The following ABLIM1 variants were observed in gnomAD, a reference collection of about 807,000 sequenced individuals.
ABLIM1 encodes actin-binding LIM protein 1.
A neutral mutation model predicts 107.0 loss-of-function variants in ABLIM1; 40 were observed. That is an observed-to-expected ratio of 0.37 (90% confidence interval 0.29 to 0.49). ABLIM1 has a LOEUF of 0.49. ABLIM1 is among the 20% of genes least tolerant of loss of function. The probability of loss-of-function intolerance (pLI) is 0.97; values close to 1 mark genes in which losing one functional copy is unlikely to be tolerated. For missense variants in ABLIM1, 857 were observed against 1,008.5 expected, an observed-to-expected ratio of 0.85 and a Z score of 2.04; for synonymous variants, 357 against 357.3, an observed-to-expected ratio of 1.00 and a Z score of 0.01.
rs2082865167 is a variant in ABLIM1 at position 114,765,333 on chromosome 10, G to A, written c.-213+2728C>T. Among the ~76,000 whole-genome samples, 2 of 150,904 alleles carry A rather than the reference G, an allele frequency of 1.3e-5. 1 individual carries two copies. Among genetic ancestry groups the A allele is most frequent in the East Asian group, 3.9e-4 (2 of 5,168 alleles). On this transcript the variant is annotated intron_variant, in intron 1 of 15. Coordinates refer to the ABLIM1 transcript ENST00000651092. ...GTGACAGGATTACATACAGGTGTGA[G>A]CCACTGCGCCCGGCCATTTTCAACT...
rs140456522 is a variant in ABLIM1, at chr10:114,635,155, T to G, written c.244+22802A>C. On this transcript the variant is annotated intron_variant, in intron 1 of 22. Coordinates refer to ENST00000533213, the MANE Select transcript of ABLIM1 (RefSeq NM_002313.7). ...ATACGGACACCAACCCACGGTTTTA[T>G]TTGTTGTTTTCTGCCCCATCAGACT... is the stretch of plus-strand genomic sequence containing the variant. Among the ~76,000 whole-genome samples, 1,060 of 152,324 alleles carry G rather than the reference T, an allele frequency of 7.0e-3. 6 individuals are homozygous for G. Among genetic ancestry groups the G allele is most frequent in the South Asian group, 0.028 (135 of 4,826 alleles).
At chr10:114,702,474 T>A (rs1369622918) in intron 1 of ABLIM1, among the ~76,000 whole-genome samples, 1 of 151,992 alleles carries the variant, frequency 6.6e-6, no homozygotes, top group Non-Finnish European at 1.5e-5. Flanking sequence ...TTCTTGTCAT[T>A]AATCACTGGT....
intron 1 of ABLIM1, among the ~76,000 whole-genome samples, chr10:114,710,255 T>A (rs1348130984): frequency 1.3e-5 from 2 of 152,198 alleles, no homozygotes; most frequent in Non-Finnish European, 1.5e-5. Flanking sequence ...CCCATTGTAT[T>A]AATCTGTTCT....
chr10:114,788,545 T>C, the ABLIM1 span, among the ~76,000 whole-genome samples: 4 of 151,762 alleles, frequency 2.6e-5, no homozygotes, highest in African/African-American at 9.7e-5. Context: ...CTGACCAATA[T>C]GGTGAAACCC....
intron 5 of ABLIM1, among the ~76,000 whole-genome samples, chr10:114,546,460 A>G (rs180758053): frequency 3.6e-4 from 55 of 151,838 alleles, no homozygotes; most frequent in Admixed American, 3.6e-3. Context: ...TGCCCGGCTC[A>G]GTTTTTGTAT....
intron 1 of ABLIM1, among the ~76,000 whole-genome samples, chr10:114,636,888 C>G (rs1270303449): frequency 6.6e-6 from 1 of 151,978 alleles, no homozygotes; most frequent in Non-Finnish European, 1.5e-5. Flanking sequence ...CAAAAACTAG[C>G]CAGAGGTGGT....
intron 4 of ABLIM1, among the ~76,000 whole-genome samples, chr10:114,550,647 C>T (rs904389302): frequency 2.6e-5 from 4 of 152,054 alleles, no homozygotes; most frequent in African/African-American, 9.7e-5. Context: ...GACATGTACC[C>T]GCTCTTATAG....
chr10:114,480,153 T>A (rs543267701), intron 8 of ABLIM1, among the ~76,000 whole-genome samples: 26 of 152,370 alleles, frequency 1.7e-4, no homozygotes, highest in African/African-American at 6.3e-4. Context: ...TCGTGACATG[T>A]AACTGATGAT....
chr10:114,598,329 T>G (rs1442064701), intron 2 of ABLIM1, among the ~76,000 whole-genome samples: 1 of 147,960 alleles, frequency 6.8e-6, no homozygotes, highest in Non-Finnish European at 1.5e-5. Flanking sequence ...GGTTCATGCC[T>G]GTATCCCCAT....
chr10:114,601,854 A>G lies in ABLIM1; in HGVS notation c.352T>C (p.Phe118Leu). The part of the protein sequence containing the change: ...GEVLRVQTKH[F>L]HIKCFTCKVC... ...TTGCAGGTGAAACACTTGATGTGGA[A>G]ATGTTTGGTCTGGACCCGAAGCACT... The change falls in exon 2 of 23, where the codon TTC (phenylalanine) becomes CTC (leucine). Residue 118 changes from phenylalanine (F) to leucine (L), a missense_variant. Physicochemically the swap from Phe to Leu is conservative, Grantham distance 22. Around this residue, in one of 5 missense-constraint regions of ABLIM1, gnomAD observed 176 missense variants for 173.5 expected, o/e 1.01. Transcript: ENST00000533213. 1 of 1,614,116 alleles carries G rather than the reference A, an allele frequency of 6.2e-7. No individual in the cohort carries two copies. The highest frequency in any genetic ancestry group is 1.1e-5 in the South Asian group (1 of 91,070).
chr10:114,432,763 G>A lies in ABLIM1; in HGVS notation c.*3497C>T, dbSNP rs1002488948. 4 of 152,078 alleles carry A rather than the reference G, an allele frequency of 2.6e-5. No individual in the cohort carries two copies. Among genetic ancestry groups the A allele is most frequent in the Non-Finnish European group, 5.9e-5 (4 of 68,018 alleles). The allele number at this position is 152,078 out of a possible 1,614,324, so 9.4% of individuals were successfully genotyped here. On this transcript the variant is annotated 3_prime_UTR_variant, in exon 23 of 23. Transcript: ENST00000533213. ...GAATTGGGTAGCGGAGTAGATGCTA[G>A]AGCCCATGACAGATAGAAAACTACC...
chr10:114,564,440 T>C (rs2070344393), intron 4 of ABLIM1, among the ~76,000 whole-genome samples: 1 of 75,630 alleles, frequency 1.3e-5, no homozygotes, highest in African/African-American at 9.6e-5. Flanking sequence ...AATGTTTGTA[T>C]TTTTTTTTTT....
intron 1 of ABLIM1, among the ~76,000 whole-genome samples, chr10:114,666,252 A>G (rs1409329585): frequency 6.6e-6 from 1 of 152,196 alleles, no homozygotes; most frequent in Non-Finnish European, 1.5e-5. Context: ...GATTTCATAT[A>G]TTTATTCTTA....
chr10:114,506,112 G>A (rs965124330), intron 6 of ABLIM1, among the ~76,000 whole-genome samples: 4 of 152,198 alleles, frequency 2.6e-5, no homozygotes, highest in Admixed American at 2.6e-4. Context: ...GTGAGAACAC[G>A]AGGTATTTTT....
At chr10:114,439,694 C>T (rs1392995282) in intron 20 of ABLIM1, 1 of 349,976 alleles carries the variant, frequency 2.9e-6, no homozygotes, top group Non-Finnish European at 5.2e-6. Flanking sequence ...CTCCTATTGG[C>T]TAAGACATCA....
At chr10:114,539,395 TTACA>T (rs1290727962) in intron 6 of ABLIM1, among the ~76,000 whole-genome samples, 4 of 152,064 alleles carry the variant, frequency 2.6e-5, no homozygotes, top group Admixed American at 6.6e-5. Context: ...ATAGGAAGTA[TTACA>T]TTAAGAGTGT....
chr10:114,740,180 T>C (rs1273528160), intron 1 of ABLIM1, among the ~76,000 whole-genome samples: 1 of 152,112 alleles, frequency 6.6e-6, no homozygotes. Flanking sequence ...TGCATTGACC[T>C]GATTCTTAAC....
At chr10:114,758,133 T>G (rs1483727835) in intron 1 of ABLIM1, among the ~76,000 whole-genome samples, 3 of 152,144 alleles carry the variant, frequency 2.0e-5, no homozygotes, top group Non-Finnish European at 4.4e-5. Flanking sequence ...ACCTCTCTAA[T>G]ATTCTCCATT....
At chr10:114,470,534 G>T (rs1029680152) in intron 10 of ABLIM1, among the ~76,000 whole-genome samples, 4 of 151,868 alleles carry the variant, frequency 2.6e-5, no homozygotes, top group Non-Finnish European at 5.9e-5. Flanking sequence ...TCAGTTGCAA[G>T]ATGCAAGTAT....
Sources: gnomAD v4.1 joint callset for allele counts (sites outside exome capture counted in the v4.1 genomes callset) on GRCh38, gnomAD v4.1.1 for gene constraint, gnomAD v4.1.1 regional missense constraint, MANE v1.5 for transcripts, NCBI Gene and HGNC (gene_info 2026-07-23, HGNC 2026-07-21) for gene names.